Variants in TLL1 observed in about 807,000 individuals in gnomAD.
TLL1 encodes tolloid like 1.
TLL1 carries 49 observed loss-of-function variants against 128.2 expected under a neutral mutation model. The observed-to-expected ratio is 0.38, with a 90% CI of 0.30 to 0.48. The LOEUF is 0.48. Ranked by LOEUF, TLL1 falls within the 20% of genes least tolerant of loss-of-function variation. The pLI is 0.96. For missense variants in TLL1, 1,123 were observed against 1,242.0 expected (o/e 0.90, Z 1.44); for synonymous variants, 454 against 418.8 (o/e 1.08, Z -1.03).
chr4:166,046,401 A>C (rs1029151709), intron 12 of TLL1, among the ~76,000 whole-genome samples: 2 of 152,192 alleles, frequency 1.3e-5, no homozygotes, highest in African/African-American at 4.8e-5. Flanking sequence ...GGTGCCTAAT[A>C]GACATCTAAA....
intron 12 of TLL1, among the ~76,000 whole-genome samples, chr4:166,046,003 T>C (rs963889745): frequency 6.6e-6 from 1 of 152,232 alleles, no homozygotes; most frequent in Non-Finnish European, 1.5e-5. Flanking sequence ...TATCTCTTTA[T>C]GTACATGTTT....
At chr4:165,934,565 G>A (rs1051412493) in intron 1 of TLL1, among the ~76,000 whole-genome samples, 2 of 152,156 alleles carry the variant, frequency 1.3e-5, no homozygotes, top group Non-Finnish European at 1.5e-5. Flanking sequence ...TCCCCCTTTA[G>A]GGAAGTGTCC....
intron 1 of TLL1, among the ~76,000 whole-genome samples, chr4:165,967,515 C>A (rs920152732): frequency 6.6e-6 from 1 of 152,184 alleles, no homozygotes; most frequent in African/African-American, 2.4e-5. Context: ...TGTTCTTCTG[C>A]CATGGCTTTG....
chr4:166,041,485 G>A (rs903513112), intron 10 of TLL1, among the ~76,000 whole-genome samples: 10 of 151,932 alleles, frequency 6.6e-5, no homozygotes, highest in Non-Finnish European at 5.9e-5. Flanking sequence ...ATTTTTAGTA[G>A]AGACAGGGTT....
At chr4:166,041,643 T>G (rs1028419313) in intron 10 of TLL1, among the ~76,000 whole-genome samples, 1 of 152,158 alleles carries the variant, frequency 6.6e-6, no homozygotes, top group Admixed American at 6.5e-5. Context: ...ATTGGCCAGG[T>G]TGACAATTTG....
intron 18 of TLL1, among the ~76,000 whole-genome samples, chr4:166,084,013 A>G (rs1741397285): frequency 6.6e-6 from 1 of 152,134 alleles, no homozygotes; most frequent in Non-Finnish European, 1.5e-5. Flanking sequence ...AACAGTATGC[A>G]AGGATTCCCT....
At chr4:165,959,578 A>G (rs1734993304) in intron 1 of TLL1, among the ~76,000 whole-genome samples, 1 of 152,166 alleles carries the variant, frequency 6.6e-6, no homozygotes, top group Non-Finnish European at 1.5e-5. Context: ...TTGAAGATCA[A>G]CCACATGCTT....
Position 166,090,671 on chromosome 4 carries a change from A to G in TLL1, c.2443-457A>G, listed in dbSNP as rs567492980. Among the ~76,000 whole-genome samples, 9 of 152,206 alleles carry G rather than the reference A, an allele frequency of 5.9e-5. No homozygotes were observed. In the East Asian group the frequency reaches 1.7e-3, roughly 29 times the overall value. ...TATGCTATGAAGATTTGTTGCATTT[A>G]AGTTTTGTAAAAATATAATAATACT... On this transcript the variant is annotated intron_variant, in intron 18 of 20. Transcript: ENST00000061240.
chr4:165,944,203 CAG>C (rs1734141366), intron 1 of TLL1, among the ~76,000 whole-genome samples: 1 of 152,102 alleles, frequency 6.6e-6, no homozygotes, highest in Non-Finnish European at 1.5e-5. Flanking sequence ...TTTTAAGCAA[CAG>C]AGTCTAAATT....
intron 1 of TLL1, among the ~76,000 whole-genome samples, chr4:165,906,293 T>C (rs1732252278): frequency 6.6e-6 from 1 of 152,250 alleles, no homozygotes; most frequent in African/African-American, 2.4e-5. Context: ...ATGCACTACG[T>C]GCCAGCTTCT....
At chr4:166,017,871 A>G (rs1032888253) in intron 8 of TLL1, among the ~76,000 whole-genome samples, 1 of 152,162 alleles carries the variant, frequency 6.6e-6, no homozygotes, top group African/African-American at 2.4e-5. Context: ...TTATCAGGAT[A>G]AGGACAATGA....
chr4:165,992,907 A>G (rs370286337), intron 3 of TLL1, 23 bp downstream of exon 3: 1 of 1,585,768 alleles, frequency 6.3e-7, no homozygotes, highest in Non-Finnish European at 8.7e-7. Context: ...TTAAAGTTGC[A>G]GACGCTTGAC....
chr4:165,949,507 T>G (rs1356849192), intron 1 of TLL1, among the ~76,000 whole-genome samples: 2 of 152,152 alleles, frequency 1.3e-5, no homozygotes, highest in Non-Finnish European at 2.9e-5. Flanking sequence ...GATAGAAAAC[T>G]CATACAACTG....
intron 1 of TLL1, among the ~76,000 whole-genome samples, chr4:165,977,256 C>A (rs1337297375): frequency 6.6e-6 from 1 of 152,080 alleles, no homozygotes; most frequent in African/African-American, 2.4e-5. Flanking sequence ...CAGTTTCCCC[C>A]ATGCTGAAAG....
rs1737269291 is a variant in TLL1, at chr4:166,003,666, G to A, written c.811+97G>A. ...TTTCACTTTCCCAAAAATGTAAACT[G>A]ATATTTTTGATATGATAGAGTAACA... is the stretch of plus-strand genomic sequence containing the variant. On this transcript the variant is annotated intron_variant, in intron 6 of 20. Transcript: ENST00000061240. 4 of 1,196,714 alleles carry A rather than the reference G, an allele frequency of 3.3e-6. No individual in the cohort carries two copies. In the Admixed American group the frequency reaches 5.5e-5, roughly 16 times the overall value. The allele number at this position is 1,196,714 out of a possible 1,614,324, so 74.1% of individuals were successfully genotyped here.
chr4:166,042,736 CAGA>C (rs1373592441), intron 11 of TLL1, among the ~76,000 whole-genome samples: 1 of 152,146 alleles, frequency 6.6e-6, no homozygotes, highest in East Asian at 1.9e-4. Context: ...ATTTTGAAGA[CAGA>C]AGATTTCTGC....
intron 1 of TLL1, among the ~76,000 whole-genome samples, chr4:165,883,600 C>A (rs1416120862): frequency 6.6e-6 from 1 of 152,134 alleles, no homozygotes; most frequent in Non-Finnish European, 1.5e-5. Flanking sequence ...TGGAACATAA[C>A]AAACACTGTA....
rs183626596 is a variant in TLL1, at chr4:166,006,686, A to T, written c.812-1257A>T. Among the ~76,000 whole-genome samples, 7 of 151,774 alleles carry T rather than the reference A, an allele frequency of 4.6e-5. No individual in the cohort carries two copies. In the South Asian group the frequency reaches 1.4e-3, roughly 31 times the overall value. Reference sequence around the variant, plus strand: ...CCAAGAATGGTTGTAACATAAATAGACCTATCAGAGATTTGTGGAGCACGT... The same window carrying T: ...CCAAGAATGGTTGTAACATAAATAGTCCTATCAGAGATTTGTGGAGCACGT... On this transcript the variant is annotated intron_variant, in intron 6 of 20. Coordinates refer to ENST00000061240, the MANE Select transcript of TLL1 (RefSeq NM_012464.5).
intron 1 of TLL1, among the ~76,000 whole-genome samples, chr4:165,918,554 C>A (rs1316050120): frequency 6.6e-6 from 1 of 151,888 alleles, no homozygotes; most frequent in African/African-American, 2.4e-5. Flanking sequence ...TTATAAAAAA[C>A]ATTTTCTGGG....
Sources: allele counts gnomAD v4.1 joint callset (sites outside exome capture counted in the v4.1 genomes callset), GRCh38; gene constraint gnomAD v4.1.1; transcripts MANE v1.5; gene names NCBI Gene and HGNC (gene_info 2026-07-23, HGNC 2026-07-21).